Variants in POU2F2 observed in about 807,000 individuals in gnomAD.
The protein encoded by POU2F2 is POU domain, class 2, transcription factor 2.
Under a neutral mutation model 63.5 loss-of-function variants are expected in POU2F2, and 14 were observed. The ratio of observed to expected loss-of-function variants is 0.22; its 90% confidence interval spans 0.15 to 0.34. The LOEUF is 0.34. POU2F2 is among the 10% of genes least tolerant of loss of function. The probability of loss-of-function intolerance (pLI) is 1.00; values close to 1 mark genes in which losing one functional copy is unlikely to be tolerated. For synonymous variants in POU2F2, 306 were observed against 348.6 expected (o/e 0.88, Z 1.36); for missense variants, 607 against 815.2 (o/e 0.74, Z 3.11).
At chr19:42,091,641 G>A (rs1003686090) in intron 14 of POU2F2, 50 bp from the exon 15 acceptor site, 21 of 1,544,860 alleles carry the variant, frequency 1.4e-5, no homozygotes, top group African/African-American at 2.7e-5. Context: ...GGCCAGGGGA[G>A]ACCTTTGCCT....
Position 42,096,811 on chromosome 19 carries a change from T to G in POU2F2, c.568-568A>C, listed in dbSNP as rs1195124485. Among the ~76,000 whole-genome samples the G allele has an allele frequency of 1.3e-5, 2 of 152,198 alleles. No individual in the cohort carries two copies. The highest frequency in any genetic ancestry group is 4.8e-5 in the African/African-American group (2 of 41,444). On this transcript the variant is annotated intron_variant, in intron 7 of 14. Coordinates refer to ENST00000692977, the MANE Select transcript of POU2F2 (RefSeq NM_001394376.1). The surrounding 1 kb of genome is among the most constrained non-coding windows in gnomAD (Gnocchi z 4.1). ...ACTTTGGGTAATAGTGATGTGTCAA[T>G]GTAGGTTCATCACCTGTTACGCTTG... is the stretch of plus-strand genomic sequence containing the variant.
intron 1 of POU2F2, among the ~76,000 whole-genome samples, chr19:42,126,645 G>A (rs1159963874): frequency 6.6e-6 from 1 of 152,096 alleles, no homozygotes; most frequent in Non-Finnish European, 1.5e-5. Flanking sequence ...CAGCCACCTA[G>A]TCTGTGGTAC....
chr19:42,146,044 AAAAAAAAAG>A lies in POU2F2; in HGVS notation c.-9+14279_-9+14287del, dbSNP rs2034226553. Among the ~76,000 whole-genome samples, 3 of 151,060 alleles carry A rather than the reference AAAAAAAAAG, an allele frequency of 2.0e-5. No homozygotes were observed. The South Asian group carries it at 6.4e-4, about 32-fold the overall frequency. ...CGAGACTCCGTCTCAAAAAAAAAAA[AAAAAAAAAG>A]AAAAAAAAGAGTTCTGCTTTAGACA... On this transcript the variant is annotated intron_variant, in intron 2 of 6. Coordinates refer to the POU2F2 transcript ENST00000524801.
chr19:42,187,761 CAAA>C (rs745767404), intron 1 of POU2F2, among the ~76,000 whole-genome samples: 1 of 49,958 alleles, frequency 2.0e-5, no homozygotes, highest in Non-Finnish European at 4.1e-5. Flanking sequence ...GACTCCATCA[CAAA>C]AAAAAAAAAA....
intron 5 of POU2F2, among the ~76,000 whole-genome samples, chr19:42,104,041 A>G (rs1018628537): frequency 6.6e-6 from 1 of 152,220 alleles, no homozygotes; most frequent in Non-Finnish European, 1.5e-5. Context: ...TAAAAAACTG[A>G]CAACCCAGTA....
chr19:42,178,763 C>T (rs2034926345), upstream of POU2F2, among the ~76,000 whole-genome samples: 1 of 151,840 alleles, frequency 6.6e-6, no homozygotes, highest in South Asian at 2.1e-4. Flanking sequence ...ACCTAAGAAA[C>T]AGAGACAGAA....
chr19:42,123,772 C>A (rs2032917188), intron 1 of POU2F2, among the ~76,000 whole-genome samples: 2 of 152,142 alleles, frequency 1.3e-5, no homozygotes, highest in South Asian at 4.2e-4. Flanking sequence ...GTCCTAGACC[C>A]CAGGACAAAT....
Position 42,144,293 on chromosome 19 carries a change from G to A in POU2F2, c.-9+16039C>T, listed in dbSNP as rs541300439. 4.6e-5 allele frequency among the ~76,000 whole-genome samples: 7 copies of A among 152,340 alleles called. No individual in the cohort carries two copies. The South Asian group carries it at 6.2e-4, about 14-fold the overall frequency. On this transcript the variant is annotated intron_variant, in intron 2 of 6. Transcript: ENST00000524801. The stretch of plus-strand genomic sequence containing the variant: ...CTCCAGCACCTGCAACCCAGGAGGT[G>A]CTTGGTATTGATTTATTGAAGAAGC...
At chr19:42,189,146 G>A (rs1379698309) in intron 1 of POU2F2, among the ~76,000 whole-genome samples, 1 of 152,156 alleles carries the variant, frequency 6.6e-6, no homozygotes, top group Non-Finnish European at 1.5e-5. Context: ...GGCCGGGGCT[G>A]GTAAGCAGGA....
intron 1 of POU2F2, among the ~76,000 whole-genome samples, chr19:42,186,127 T>A (rs1192455634): frequency 2.0e-5 from 3 of 152,036 alleles, no homozygotes; most frequent in Non-Finnish European, 4.4e-5. Context: ...GAGACCATCC[T>A]GGCTAACACA....
chr19:42,188,098 C>T (rs1779724051), intron 1 of POU2F2, among the ~76,000 whole-genome samples: 1 of 152,156 alleles, frequency 6.6e-6, no homozygotes, highest in Non-Finnish European at 1.5e-5. Flanking sequence ...GGTGCAGTGG[C>T]TCATGCCTAT....
chr19:42,188,376 A>T (rs1455005753), intron 1 of POU2F2, among the ~76,000 whole-genome samples: 1 of 151,786 alleles, frequency 6.6e-6, no homozygotes, highest in South Asian at 2.1e-4. Context: ...CAAAAAAAAA[A>T]AAAGAAAAAA....
chr19:42,115,942 G>A (rs1056816227), intron 5 of POU2F2, among the ~76,000 whole-genome samples: 2 of 152,232 alleles, frequency 1.3e-5, no homozygotes, highest in African/African-American at 4.8e-5. Context: ...TGTGACGACA[G>A]AGGAGGCAGA....
At position 42,086,690 on chromosome 19, in the gene POU2F2, TACG is replaced by T. The variant is rs1199069770; in HGVS notation, c.*4564_*4566del. ...ACCCTGCCATTATCCAAAGGCTCTC[TACG>T]AGTTGCCGAGAGAGGCCCCCAGTCA... On this transcript the variant is annotated 3_prime_UTR_variant, in exon 15 of 15. Coordinates refer to ENST00000692977, the MANE Select transcript of POU2F2 (RefSeq NM_001394376.1). 2 of 152,086 alleles carry T rather than the reference TACG, an allele frequency of 1.3e-5. No individual in the cohort carries two copies. The highest frequency in any genetic ancestry group is 2.9e-5 in the Non-Finnish European group (2 of 68,028). 9.4% of individuals were successfully genotyped at this position (152,086 alleles called of 1,614,324 possible).
In POU2F2 at chr19:42,128,871, C is replaced by T. The variant is rs1361917351; in HGVS notation, c.28+3513G>A. Among the ~76,000 whole-genome samples, 3 of 151,592 alleles carry T rather than the reference C, an allele frequency of 2.0e-5. No individual in the cohort carries two copies. In the East Asian group the frequency reaches 5.8e-4, roughly 29 times the overall value. On this transcript the variant is annotated intron_variant, in intron 1 of 14. Coordinates refer to ENST00000692977, the MANE Select transcript of POU2F2 (RefSeq NM_001394376.1). Reference sequence around the variant, plus strand: ...TTTTTTAGACAGAGTCTCACTCTGTCGCCCAGGCTGGAGTGCAATGGTATG... The same window carrying T: ...TTTTTTAGACAGAGTCTCACTCTGTTGCCCAGGCTGGAGTGCAATGGTATG...
chr19:42,091,359 T>C lies in POU2F2; in HGVS notation c.1773A>G (p.Ser591=), dbSNP rs1033909204. The change falls in exon 15 of 15, where the codon TCA becomes TCG. Residue 591 remains serine, a synonymous_variant. Coordinates refer to ENST00000692977, the MANE Select transcript of POU2F2 (RefSeq NM_001394376.1). ...ISSKSPGLSS[S]SSSSSSSSSS... ...AGGAGGAGGATGAGGATGAAGAGGA[T>C]GAGGAGGAGAGGCCAGGAGACTTGC... The C allele has an allele frequency of 2.6e-6, 4 of 1,538,038 alleles. No individual in the cohort carries two copies. Among genetic ancestry groups the C allele is most frequent in the Non-Finnish European group, 3.5e-6 (4 of 1,146,754 alleles).
chr19:42,106,033 T>TTCTTTC (rs1396245412), intron 5 of POU2F2, among the ~76,000 whole-genome samples: 1 of 149,588 alleles, frequency 6.7e-6, no homozygotes, highest in Non-Finnish European at 1.5e-5. Flanking sequence ...CTTTCTTTCT[T>TTCTTTC]TCTTTCTTTC....
intron 5 of POU2F2, among the ~76,000 whole-genome samples, chr19:42,105,464 C>T (rs1392656211): frequency 6.6e-6 from 1 of 152,022 alleles, no homozygotes; most frequent in African/African-American, 2.4e-5. Context: ...TTCCTATAAC[C>T]CTTAGCTTGT....
chr19:42,137,619 G>A (rs563572975), intron 2 of POU2F2, among the ~76,000 whole-genome samples: 5 of 152,024 alleles, frequency 3.3e-5, no homozygotes, highest in South Asian at 2.1e-4. Flanking sequence ...CCAGCTACTC[G>A]AGAGGCTGAG....
Sources: gnomAD v4.1 joint callset for allele counts (sites outside exome capture counted in the v4.1 genomes callset) on GRCh38, gnomAD v4.1.1 for gene constraint, Gnocchi (gnomAD v3.1) non-coding constraint, MANE v1.5 for transcripts, NCBI Gene and HGNC (gene_info 2026-07-23, HGNC 2026-07-21) for gene names.